The following GAREM1 variants were observed in gnomAD, a reference collection of about 807,000 sequenced individuals.
The protein encoded by GAREM1 is GRB2 associated regulator of MAPK1 subtype 1, also known as GRB2-associated and regulator of MAPK protein 1.
A neutral mutation model predicts 71.3 loss-of-function variants in GAREM1; 26 were observed. That is an observed-to-expected ratio of 0.36 (90% CI 0.27 to 0.51). GAREM1 has a LOEUF of 0.51. Among genes scored for constraint, GAREM1 ranks in the 20% least tolerant of loss-of-function variants. The pLI, the probability that GAREM1 is intolerant of heterozygous loss-of-function variation, is 0.95. For missense variants in GAREM1, 1,026 were observed against 1,103.1 expected, an observed-to-expected ratio of 0.93 and a Z score of 0.99; for synonymous variants, 440 against 433.2, an observed-to-expected ratio of 1.02 and a Z score of -0.20.
intron 1 of GAREM1, chr18:32,412,962 A>G: frequency 7.5e-7 from 1 of 1,342,096 alleles, no homozygotes; most frequent in Non-Finnish European, 1.1e-6. Flanking sequence ...CCTTGCATTC[A>G]TAGCTGCATC....
At chr18:32,310,098 AG>A (rs2047301432) in intron 3 of GAREM1, 94 bp downstream of exon 3, 1 of 1,399,170 alleles carries the variant, frequency 7.1e-7, no homozygotes, top group Non-Finnish European at 9.9e-7. Context: ...AAACCCTCCT[AG>A]GAGACACAGA....
intron 2 of GAREM1, among the ~76,000 whole-genome samples, chr18:32,352,601 A>G (rs2144594543): frequency 6.6e-6 from 1 of 152,210 alleles, no homozygotes; most frequent in Admixed American, 6.5e-5. Flanking sequence ...GATAAAGTGG[A>G]ACAGAAAGAG....
chr18:32,308,079 C>T (rs1416223137), intron 3 of GAREM1, among the ~76,000 whole-genome samples: 1 of 151,994 alleles, frequency 6.6e-6, no homozygotes, highest in Admixed American at 6.6e-5. Flanking sequence ...CTTAAAACTC[C>T]ATAAGTAACA....
chr18:32,328,951 A>G (rs2144552483), intron 2 of GAREM1, among the ~76,000 whole-genome samples: 1 of 152,356 alleles, frequency 6.6e-6, no homozygotes, highest in East Asian at 1.9e-4. Flanking sequence ...AAATTAAGAA[A>G]GACACCACCA....
At chr18:32,398,674 A>T (rs2048281752) in intron 1 of GAREM1, among the ~76,000 whole-genome samples, 1 of 152,174 alleles carries the variant, frequency 6.6e-6, no homozygotes. Context: ...GGCAATAATT[A>T]ATAGCTTACC....
chr18:32,357,563 TAC>T (rs1250093519), intron 2 of GAREM1, among the ~76,000 whole-genome samples: 2 of 152,182 alleles, frequency 1.3e-5, no homozygotes, highest in African/African-American at 4.8e-5. Context: ...CAAAAGCCAT[TAC>T]AGACTGGGAA....
At chr18:32,418,445 T>C (rs918496363) in intron 1 of GAREM1, among the ~76,000 whole-genome samples, 3 of 152,146 alleles carry the variant, frequency 2.0e-5, no homozygotes, top group Non-Finnish European at 4.4e-5. Flanking sequence ...TACTGTTCTT[T>C]TGCTTGTTTG....
intron 2 of GAREM1, among the ~76,000 whole-genome samples, chr18:32,362,422 G>A (rs966054258): frequency 6.6e-6 from 1 of 152,072 alleles, no homozygotes; most frequent in Non-Finnish European, 1.5e-5. Flanking sequence ...AATAATATTT[G>A]AAATTACATA....
chr18:32,278,630 T>A (rs915537643), intron 4 of GAREM1, among the ~76,000 whole-genome samples: 9 of 152,222 alleles, frequency 5.9e-5, no homozygotes, highest in African/African-American at 1.9e-4. Flanking sequence ...CTGCCCTGTA[T>A]TTTACATTTC....
chr18:32,363,548 G>A (rs1362661344), intron 2 of GAREM1, among the ~76,000 whole-genome samples: 2 of 151,976 alleles, frequency 1.3e-5, no homozygotes, highest in African/African-American at 2.4e-5. Context: ...TTTTGAACCG[G>A]GCACTGAAGG....
At chr18:32,405,446 C>T (rs1158208805) in intron 1 of GAREM1, among the ~76,000 whole-genome samples, 2 of 152,220 alleles carry the variant, frequency 1.3e-5, no homozygotes, top group South Asian at 2.1e-4. Context: ...GATCCACACA[C>T]CTTGGCCTCC....
At chr18:32,363,880 T>C (rs1390142267) in intron 2 of GAREM1, among the ~76,000 whole-genome samples, 1 of 148,700 alleles carries the variant, frequency 6.7e-6, no homozygotes, top group Non-Finnish European at 1.5e-5. Flanking sequence ...AGGTTATCTT[T>C]CATCATATTT....
intron 2 of GAREM1, among the ~76,000 whole-genome samples, chr18:32,390,102 C>A (rs935022724): frequency 3.3e-5 from 5 of 152,146 alleles, no homozygotes; most frequent in Admixed American, 6.5e-5. Context: ...GCCCAGTAGT[C>A]CAGGGCTGCA....
chr18:32,307,206 T>C (rs971438905), intron 3 of GAREM1, among the ~76,000 whole-genome samples: 5 of 152,238 alleles, frequency 3.3e-5, no homozygotes, highest in Non-Finnish European at 5.9e-5. Context: ...TACATATGTA[T>C]ATTTATTTCT....
In GAREM1 at chr18:32,470,290, G is replaced by A. The variant is rs1432183604; in HGVS notation, c.121+18C>T. ...GGCTGTCCTCGCCCGTCTGCCCCGC[G>A]CCCCAGCTGGGACTCACCGTTGTCC... On this transcript the variant is annotated intron_variant, in intron 1 of 5. Coordinates refer to ENST00000269209, the MANE Select transcript of GAREM1 (RefSeq NM_001242409.2). The surrounding 1 kb of genome is among the most constrained non-coding windows in gnomAD (Gnocchi z 4.4). The A allele has an allele frequency of 1.3e-6, 2 of 1,498,284 alleles. No individual in the cohort carries two copies. Among genetic ancestry groups the A allele is most frequent in the Non-Finnish European group, 8.9e-7 (1 of 1,121,480 alleles). 92.8% of individuals were successfully genotyped at this position (1,498,284 alleles called of 1,614,324 possible). A position where few individuals can be genotyped will look rare whatever the true frequency, so the allele number is the denominator to read the frequency against.
intron 2 of GAREM1, among the ~76,000 whole-genome samples, chr18:32,318,284 A>G (rs974803501): frequency 1.3e-5 from 2 of 152,212 alleles, no homozygotes; most frequent in Non-Finnish European, 2.9e-5. Context: ...GTCATCTAGA[A>G]AATATCCATT....
At chr18:32,442,694 T>C (rs1366264757) in intron 1 of GAREM1, among the ~76,000 whole-genome samples, 1 of 152,186 alleles carries the variant, frequency 6.6e-6, no homozygotes, top group Non-Finnish European at 1.5e-5. Flanking sequence ...GTCACCTGCA[T>C]GTCTTAAGCT....
chr18:32,366,803 G>A (rs1362836485), intron 2 of GAREM1, among the ~76,000 whole-genome samples: 1 of 152,202 alleles, frequency 6.6e-6, no homozygotes, highest in East Asian at 1.9e-4. Context: ...GCAGCTCTTA[G>A]TTGTTGAGAA....
intron 2 of GAREM1, among the ~76,000 whole-genome samples, chr18:32,389,497 T>C (rs2048176270): frequency 1.3e-5 from 2 of 152,118 alleles, no homozygotes; most frequent in South Asian, 4.1e-4. Flanking sequence ...CCCAAAGTAA[T>C]ATAGACAGAA....
Sources: gnomAD v4.1 joint callset for allele counts (sites outside exome capture counted in the v4.1 genomes callset) on GRCh38, gnomAD v4.1.1 for gene constraint, Gnocchi (gnomAD v3.1) non-coding constraint, MANE v1.5 for transcripts, NCBI Gene and HGNC (gene_info 2026-07-23, HGNC 2026-07-21) for gene names.